Variants in PCBP2 observed in about 807,000 individuals in gnomAD.
PCBP2 encodes poly(rC)-binding protein 2.
PCBP2 carries 4 observed loss-of-function variants against 50.1 expected under a neutral mutation model. The observed-to-expected ratio is 0.08, with a 90% CI of 0.04 to 0.18. The LOEUF (loss-of-function observed/expected upper bound fraction) is 0.18. Among genes scored for constraint, PCBP2 ranks in the 10% least tolerant of loss-of-function variants. The pLI, the probability that PCBP2 is intolerant of heterozygous loss-of-function variation, is 1.00. For missense variants in PCBP2, 161 were observed against 474.3 expected (o/e 0.34, Z 6.14); for synonymous variants, 179 against 168.0 (o/e 1.07, Z -0.51).
chr12:53,459,529 A>G lies in PCBP2; in HGVS notation c.375+126A>G, dbSNP rs192340891. ...TGAAGTAACAGTTCTAGAGGATTAC[A>G]ATGTGATTGTACTGAAAATAAAACT... On this transcript the variant is annotated intron_variant, in intron 6 of 14. Coordinates refer to ENST00000546463, the MANE Select transcript of PCBP2 (RefSeq NM_031989.5). The G allele has an allele frequency of 4.6e-5, 31 of 678,060 alleles. No individual in the cohort carries two copies. In the Admixed American group the frequency reaches 8.7e-4, roughly 19 times the overall value. The allele number at this position is 678,060 out of a possible 1,614,324, so 42.0% of individuals were successfully genotyped here.
chr12:53,474,666 C>A (rs1380513706), intron 14 of PCBP2, among the ~76,000 whole-genome samples: 1 of 152,114 alleles, frequency 6.6e-6, no homozygotes, highest in Non-Finnish European at 1.5e-5. Context: ...TTAAGTAGCT[C>A]TGTGGAATGG....
intron 6 of PCBP2, chr12:53,460,437 T>C: frequency 3.3e-6 from 1 of 298,786 alleles, no homozygotes; most frequent in Non-Finnish European, 6.8e-6. Context: ...TGAGCCACTG[T>C]GCCTGGCCCC....
intron 6 of PCBP2, 128 bp from the exon 7 acceptor site, chr12:53,460,887 A>G: frequency 9.7e-7 from 1 of 1,026,846 alleles, no homozygotes; most frequent in East Asian, 2.5e-5. Flanking sequence ...AGTGGGACAA[A>G]GAACAAAAAG....
At chr12:53,470,089 ATGT>A (rs1473431805) in intron 13 of PCBP2, among the ~76,000 whole-genome samples, 18 of 151,904 alleles carry the variant, frequency 1.2e-4, no homozygotes, top group Admixed American at 4.6e-4. Flanking sequence ...TCTTTAGAAG[ATGT>A]TGTGGTTTTC....
At chr12:53,459,785 A>C in intron 6 of PCBP2, 1 of 391,322 alleles carries the variant, frequency 2.6e-6, no homozygotes, top group Non-Finnish European at 5.2e-6. Flanking sequence ...ACACGGTCTC[A>C]CTCTGTCTCC....
At chr12:53,460,787 A>T in intron 6 of PCBP2, 1 of 393,308 alleles carries the variant, frequency 2.5e-6, no homozygotes, top group Non-Finnish European at 4.7e-6. Flanking sequence ...GGTTAAATTT[A>T]GGCTGTTATT....
At chr12:53,467,427 TA>T (rs1565867205) in intron 11 of PCBP2, 134 bp downstream of exon 11, 1 of 799,126 alleles carries the variant, frequency 1.3e-6, no homozygotes, top group East Asian at 2.5e-5. Context: ...GCCTGTCTAC[TA>T]TGGCTAAGCC....
intron 4 of PCBP2, 92 bp from the exon 5 acceptor site, chr12:53,455,793 T>C: frequency 3.5e-6 from 3 of 856,742 alleles, no homozygotes; most frequent in South Asian, 1.5e-5. Context: ...ATCAGGATCA[T>C]GTACATTGGC....
intron 6 of PCBP2, chr12:53,460,026 T>A (rs1941338716): frequency 9.9e-6 from 3 of 302,118 alleles, no homozygotes; most frequent in Admixed American, 7.2e-5. Context: ...CCCAGTGTTA[T>A]TACTACAGGC....
At chr12:53,459,215 A>C in intron 5 of PCBP2, 57 bp from the exon 6 acceptor site, 1 of 1,499,550 alleles carries the variant, frequency 6.7e-7, no homozygotes, top group Non-Finnish European at 9.0e-7. Flanking sequence ...GTGGTTCTTT[A>C]ATGGCAGTTA....
chr12:53,471,601 C>G (rs1565870895), intron 13 of PCBP2, 37 bp from the exon 14 acceptor site: 1 of 1,576,880 alleles, frequency 6.3e-7, no homozygotes, highest in South Asian at 1.2e-5. Flanking sequence ...CCATGCAACT[C>G]TAATTCGGTG....
intron 5 of PCBP2, among the ~76,000 whole-genome samples, chr12:53,456,529 G>A (rs901288996): frequency 6.6e-6 from 1 of 151,810 alleles, no homozygotes; most frequent in African/African-American, 2.4e-5. Context: ...TAAATAATTT[G>A]CGTGAAAAGC....
chr12:53,479,421 G>C lies in PCBP2; in HGVS notation c.1068G>C (p.Thr356=). The change falls in exon 15 of 15, where the codon ACG becomes ACC. Residue 356 remains threonine (T), a synonymous_variant. Coordinates refer to ENST00000546463, the MANE Select transcript of PCBP2 (RefSeq NM_031989.5). ...YLINVRLSSE[T]GGMGSS ...TGTGTTACAGGCTTTCCTCGGAGAC[G>C]GGTGGCATGGGGAGCAGCTAGAACA... The C allele has an allele frequency of 1.2e-6, 2 of 1,614,052 alleles. No individual in the cohort carries two copies. Among genetic ancestry groups the C allele is most frequent in the Non-Finnish European group, 8.5e-7 (1 of 1,179,970 alleles).
chr12:53,462,243 G>A (rs555432089), intron 7 of PCBP2, among the ~76,000 whole-genome samples: 32 of 152,264 alleles, frequency 2.1e-4, no homozygotes, highest in African/African-American at 7.2e-4. Context: ...AAATAGTGCC[G>A]AAGATTATTA....
intron 13 of PCBP2, among the ~76,000 whole-genome samples, chr12:53,469,224 C>G (rs1239895039): frequency 6.6e-6 from 1 of 151,860 alleles, no homozygotes; most frequent in East Asian, 1.9e-4. Flanking sequence ...TACTTTTAAG[C>G]CCTAGGGAAA....
intron 8 of PCBP2, 103 bp downstream of exon 8, chr12:53,462,670 T>G: frequency 1.2e-6 from 1 of 839,028 alleles, no homozygotes; most frequent in Non-Finnish European, 1.9e-6. Context: ...TGCTGAAACC[T>G]ATACTCTGGC....
Position 53,455,280 on chromosome 12 carries a change from A to G in PCBP2, c.70-67A>G, listed in dbSNP as rs540352387. Reference sequence around the variant, plus strand: ...TAGAACATGTAGAAAAAGGAAAAATAAAATATATTTTTAAAAAGGAATACT... The same window carrying G: ...TAGAACATGTAGAAAAAGGAAAAATGAAATATATTTTTAAAAAGGAATACT... On this transcript the variant is annotated intron_variant, in intron 2 of 14. Coordinates refer to ENST00000546463, the MANE Select transcript of PCBP2 (RefSeq NM_031989.5). 19 of 1,448,612 alleles carry G rather than the reference A, an allele frequency of 1.3e-5. No homozygotes were observed. In the African/African-American group the frequency reaches 2.3e-4, roughly 18 times the overall value. 89.7% of individuals were successfully genotyped at this position (1,448,612 alleles called of 1,614,324 possible). A position where few individuals can be genotyped will look rare whatever the true frequency, so the allele number is the denominator to read the frequency against.
intron 8 of PCBP2, among the ~76,000 whole-genome samples, chr12:53,463,841 A>G (rs1427838387): frequency 6.6e-6 from 1 of 152,218 alleles, no homozygotes; most frequent in African/African-American, 2.4e-5. Flanking sequence ...CCTGCGTTTG[A>G]TCTGGGAGCC....
chr12:53,465,573 A>G (rs533360534), intron 9 of PCBP2, among the ~76,000 whole-genome samples: 60 of 152,320 alleles, frequency 3.9e-4, no homozygotes, highest in South Asian at 1.9e-3. Context: ...GGAAGAGATC[A>G]TTATTCCTCC....
Sources: allele counts gnomAD v4.1 joint callset (sites outside exome capture counted in the v4.1 genomes callset), GRCh38; gene constraint gnomAD v4.1.1; transcripts MANE v1.5; gene names NCBI Gene and HGNC (gene_info 2026-07-23, HGNC 2026-07-21).